The following PDCL2 variants were observed in gnomAD, a reference collection of about 807,000 sequenced individuals.
PDCL2 encodes phosducin like 2.
In PDCL2, 23 loss-of-function variants were observed where a neutral mutation model predicts 30.3. The ratio of observed to expected loss-of-function variants is 0.76; its 90% confidence interval spans 0.55 to 1.08. The LOEUF (loss-of-function observed/expected upper bound fraction) is 1.08. PDCL2 is among the 50% of genes least tolerant of loss of function. The probability of loss-of-function intolerance (pLI) is 0.00; values close to 1 mark genes in which losing one functional copy is unlikely to be tolerated. For synonymous variants in PDCL2, 68 were observed against 86.2 expected (o/e 0.79, Z 1.17); for missense variants, 243 against 282.3 (o/e 0.86, Z 1.00).
At position 55,569,586 on chromosome 4, in the gene PDCL2, A is replaced by G. The variant is rs1305068272; in HGVS notation, c.362+132T>C. Reference sequence around the variant, plus strand: ...GAAGCCAATGACTATCAAAACCTCTATGGATGTATATGTGTGCAATATATA... The same window carrying G: ...GAAGCCAATGACTATCAAAACCTCTGTGGATGTATATGTGTGCAATATATA... On this transcript the variant is annotated intron_variant, in intron 4 of 5. Transcript: ENST00000295645. The G allele has an allele frequency of 9.0e-6, 4 of 446,806 alleles. No individual in the cohort carries two copies. In the Admixed American group the frequency reaches 1.3e-4, roughly 15 times the overall value. 27.7% of individuals were successfully genotyped at this position (446,806 alleles called of 1,614,324 possible).
At chr4:55,565,853 T>A (rs1379875060) in intron 4 of PDCL2, among the ~76,000 whole-genome samples, 1 of 151,560 alleles carries the variant, frequency 6.6e-6, no homozygotes, top group Non-Finnish European at 1.5e-5. Context: ...CCTGTCTTGA[T>A]AAATTGACTC....
At chr4:55,576,700 GAA>G (rs1732578332) in intron 3 of PDCL2, among the ~76,000 whole-genome samples, 1 of 152,164 alleles carries the variant, frequency 6.6e-6, no homozygotes, top group African/African-American at 2.4e-5. Flanking sequence ...AGCTAACTGT[GAA>G]AAGAAAGCAG....
At chr4:55,569,912 G>A (rs903604210) in intron 3 of PDCL2, 51 bp from the exon 4 acceptor site, 2 of 1,302,366 alleles carry the variant, frequency 1.5e-6, no homozygotes, top group Non-Finnish European at 1.0e-6. Context: ...ATATTCTTAA[G>A]GTCATTCTCA....
chr4:55,573,923 C>A (rs1732495587), intron 3 of PDCL2, among the ~76,000 whole-genome samples: 1 of 149,396 alleles, frequency 6.7e-6, no homozygotes, highest in African/African-American at 2.5e-5. Context: ...GAGACAGAGT[C>A]TCGCTCTGTC....
chr4:55,557,233 G>A (rs73155692), intron 5 of PDCL2, among the ~76,000 whole-genome samples: 2,047 of 152,334 alleles, frequency 0.013, 45 homozygotes, highest in African/African-American at 0.047. Context: ...AGAAATTATG[G>A]TTAAACTGGG....
intron 1 of PDCL2, 77 bp downstream of exon 1, chr4:55,592,027 T>C: frequency 6.4e-7 from 1 of 1,572,622 alleles, no homozygotes; most frequent in Non-Finnish European, 8.7e-7. Context: ...GCCCTCCCCA[T>C]TTGTGTCCCT....
intron 5 of PDCL2, among the ~76,000 whole-genome samples, chr4:55,561,218 G>C (rs13116035): frequency 6.6e-6 from 1 of 151,734 alleles, no homozygotes; most frequent in African/African-American, 2.4e-5. Context: ...CAGAGGTCTC[G>C]GTAAGGGCAA....
intron 5 of PDCL2, among the ~76,000 whole-genome samples, chr4:55,558,772 T>G (rs1047461832): frequency 1.3e-5 from 2 of 152,214 alleles, no homozygotes; most frequent in African/African-American, 4.8e-5. Context: ...ATTTTCACTA[T>G]GCCAAATCAT....
intron 2 of PDCL2, 62 bp from the exon 3 acceptor site, chr4:55,580,973 T>A: frequency 8.1e-7 from 1 of 1,242,102 alleles, no homozygotes. Context: ...ATACAGTCAA[T>A]GTCTAGAAAA....
chr4:55,569,059 C>T (rs867568927), intron 4 of PDCL2, among the ~76,000 whole-genome samples: 2 of 151,362 alleles, frequency 1.3e-5, no homozygotes, highest in African/African-American at 2.4e-5. Context: ...AAGTTCTAAC[C>T]ACCCCTTTGA....
chr4:55,564,985 T>C (rs1732225449), intron 4 of PDCL2, among the ~76,000 whole-genome samples: 1 of 152,166 alleles, frequency 6.6e-6, no homozygotes, highest in Admixed American at 6.5e-5. Flanking sequence ...ACAGTTTAAA[T>C]GATAATAGCT....
intron 1 of PDCL2, among the ~76,000 whole-genome samples, chr4:55,587,893 CA>C (rs1383193593): frequency 6.6e-6 from 1 of 150,932 alleles, no homozygotes; most frequent in Non-Finnish European, 1.5e-5. Context: ...TCCTCTGACG[CA>C]AAAAAATGTT....
chr4:55,556,628 C>A lies in PDCL2; in HGVS notation c.655G>T (p.Val219Leu). The part of the protein sequence containing the change: ...NPRKDMVDMM[V>L]SSIRNTSIHD... ...ATAGAAGTGTTTCTAATTGAAGATA[C>A]CATCATATCTACCATGTCTTTTCTG... Residue 219 changes from valine to leucine, a missense_variant, in exon 6 of 6, where the codon GTA becomes TTA. Transcript: ENST00000295645. The A allele has an allele frequency of 6.4e-7, 1 of 1,573,094 alleles. No homozygotes were observed. The highest frequency in any genetic ancestry group is 8.7e-7 in the Non-Finnish European group (1 of 1,155,984).
At chr4:55,580,961 C>T in intron 2 of PDCL2, 50 bp from the exon 3 acceptor site, 2 of 1,396,192 alleles carry the variant, frequency 1.4e-6, no homozygotes, top group Non-Finnish European at 1.9e-6. Flanking sequence ...AATTTTTTTA[C>T]TATACAGTCA....
At chr4:55,566,398 T>G (rs1732269372) in intron 4 of PDCL2, among the ~76,000 whole-genome samples, 1 of 151,774 alleles carries the variant, frequency 6.6e-6, no homozygotes, top group African/African-American at 2.4e-5. Context: ...ATATGTTTTA[T>G]ACCAACACAG....
At chr4:55,558,292 G>A (rs1732036255) in intron 5 of PDCL2, among the ~76,000 whole-genome samples, 1 of 152,158 alleles carries the variant, frequency 6.6e-6, no homozygotes, top group African/African-American at 2.4e-5. Context: ...TTGTGGGTGG[G>A]AGGTAATTGA....
chr4:55,582,704 C>A (rs370062207), intron 1 of PDCL2, among the ~76,000 whole-genome samples: 1 of 151,452 alleles, frequency 6.6e-6, no homozygotes, highest in African/African-American at 2.4e-5. Flanking sequence ...TGTGCTGCAC[C>A]CATTAACTCG....
At chr4:55,576,936 C>T (rs979591563) in intron 3 of PDCL2, among the ~76,000 whole-genome samples, 6 of 149,898 alleles carry the variant, frequency 4.0e-5, no homozygotes, top group Admixed American at 3.3e-4. Context: ...CTTGCTCTGT[C>T]GCCCAGGCTG....
chr4:55,584,233 A>G (rs1308509023), intron 1 of PDCL2, among the ~76,000 whole-genome samples: 1 of 113,646 alleles, frequency 8.8e-6, no homozygotes, highest in Non-Finnish European at 2.0e-5. Context: ...AAATGTTACT[A>G]GTTTTTTTTT....
Sources: allele counts gnomAD v4.1 joint callset (sites outside exome capture counted in the v4.1 genomes callset), GRCh38; gene constraint gnomAD v4.1.1; transcripts MANE v1.5; gene names NCBI Gene and HGNC (gene_info 2026-07-23, HGNC 2026-07-21).